SERGEF: variants seen among roughly 807,000 people sequenced by gnomAD.
SERGEF encodes the protein secretion-regulating guanine nucleotide exchange factor.
Under a neutral mutation model 50.0 loss-of-function variants are expected in SERGEF, and 51 were observed. The observed-to-expected ratio is 1.02, with a 90% CI of 0.81 to 1.29. The LOEUF (loss-of-function observed/expected upper bound fraction) is 1.29, where lower values mean the gene tolerates loss of function less well. SERGEF is among the 50% of genes most tolerant of loss of function. The pLI is 0.00. For synonymous variants in SERGEF, 205 were observed against 212.4 expected (o/e 0.97, Z 0.30); for missense variants, 521 against 557.0 (o/e 0.94, Z 0.65).
At chr11:17,968,473 G>C (rs1253232335) in intron 8 of SERGEF, among the ~76,000 whole-genome samples, 1 of 152,088 alleles carries the variant, frequency 6.6e-6, no homozygotes, top group Admixed American at 6.5e-5. Flanking sequence ...AGGATCACTT[G>C]AGCCTTGAGT....
Position 17,995,663 on chromosome 11 carries a change from G to C in SERGEF, c.622+133C>G, listed in dbSNP as rs1378787733. 6.1e-6 allele frequency: 4 copies of C among 651,960 alleles called. No homozygotes were observed. In the East Asian group the frequency reaches 1.1e-4, roughly 18 times the overall value. 40.4% of individuals were successfully genotyped at this position (651,960 alleles called of 1,614,324 possible). ...ACAAACAATGCCAGCAAGACTAACA[G>C]ACCAACTAATAGAGAAAGTTAGAGA... On this transcript the variant is annotated intron_variant, in intron 6 of 10. Transcript: ENST00000265965.
intron 9 of SERGEF, among the ~76,000 whole-genome samples, chr11:17,956,804 A>G (rs1852882141): frequency 1.3e-5 from 2 of 152,168 alleles, no homozygotes; most frequent in African/African-American, 4.8e-5. Flanking sequence ...ACATCAGCCT[A>G]GTCCAACACT....
At chr11:17,904,342 TAAATGTCCATGACC>T (rs910124679) in intron 9 of SERGEF, among the ~76,000 whole-genome samples, 5 of 152,174 alleles carry the variant, frequency 3.3e-5, no homozygotes, top group Admixed American at 6.5e-5. Context: ...ACTCTTAAGA[TAAATGTCCATGACC>T]AAAGAGGCTG....
In SERGEF at chr11:18,006,562, G is replaced by A. The variant is rs1422947825; in HGVS notation, c.352+29C>T. On this transcript the variant is annotated intron_variant, in intron 3 of 10. Transcript: ENST00000265965. ...TGTTCTCACCCAAAGCCTTTGTGGT[G>A]ACAAAAATCTACCTAGGAGTGAACT... 7 of 1,602,200 alleles carry A rather than the reference G, an allele frequency of 4.4e-6. No homozygotes were observed. The African/African-American group carries it at 8.1e-5, about 19-fold the overall frequency.
chr11:18,001,846 T>C, intron 4 of SERGEF: 1 of 344,506 alleles, frequency 2.9e-6, no homozygotes, highest in South Asian at 2.5e-5. Context: ...TATAGCATAA[T>C]CATAACCCCA....
At position 17,884,827 on chromosome 11, in the gene SERGEF, G is replaced by A. The variant is rs1184373381; in HGVS notation, c.1012-6583C>T. On this transcript the variant is annotated intron_variant, in intron 9 of 10. Transcript: ENST00000265965. The surrounding 1 kb of genome is among the most constrained non-coding windows in gnomAD (Gnocchi z 4.6). ...TGCTATCTTCCAGAGAAGTTGGGGT[G>A]AGAAGAAGAGAGCTAAAGTTTGGTT... 6.6e-6 allele frequency among the ~76,000 whole-genome samples: 1 copy of A among 152,182 alleles called. No individual in the cohort carries two copies. Among genetic ancestry groups the A allele is most frequent in the East Asian group, 1.9e-4 (1 of 5,206 alleles).
intron 9 of SERGEF, among the ~76,000 whole-genome samples, chr11:17,909,028 A>G (rs1270617752): frequency 1.3e-5 from 2 of 152,232 alleles, no homozygotes; most frequent in East Asian, 1.9e-4. Context: ...GAATCACAGA[A>G]AAAACCTGGG....
At chr11:17,914,427 T>C (rs143729031) in intron 9 of SERGEF, among the ~76,000 whole-genome samples, 1 of 152,108 alleles carries the variant, frequency 6.6e-6, no homozygotes, top group East Asian at 1.9e-4. Context: ...TAATTTATTT[T>C]ATTTTTTTAG....
chr11:18,009,971 T>G (rs1854163208), intron 1 of SERGEF: 1 of 450,914 alleles, frequency 2.2e-6, no homozygotes, highest in Non-Finnish European at 3.7e-6. Flanking sequence ...AGTTTTGGGT[T>G]TTCAGAGCTT....
chr11:17,952,883 C>G (rs1391530603), intron 9 of SERGEF, among the ~76,000 whole-genome samples: 1 of 152,170 alleles, frequency 6.6e-6, no homozygotes, highest in African/African-American at 2.4e-5. Context: ...TGTGACTCAG[C>G]AGTACCTGGC....
intron 9 of SERGEF, among the ~76,000 whole-genome samples, chr11:17,942,107 T>C (rs886425462): frequency 2.6e-5 from 4 of 152,194 alleles, no homozygotes; most frequent in Admixed American, 1.3e-4. Context: ...TATGTTTCCA[T>C]ATAAATGTCA....
At chr11:17,931,054 T>G (rs1416134693) in intron 9 of SERGEF, among the ~76,000 whole-genome samples, 1 of 152,170 alleles carries the variant, frequency 6.6e-6, no homozygotes, top group Non-Finnish European at 1.5e-5. Flanking sequence ...TCCTTCTGCA[T>G]TTGCAATTTA....
intron 9 of SERGEF, among the ~76,000 whole-genome samples, chr11:17,953,218 C>T (rs1362314247): frequency 1.3e-5 from 2 of 152,144 alleles, no homozygotes; most frequent in Non-Finnish European, 2.9e-5. Flanking sequence ...GTTTGTCCTA[C>T]AGGGAACTTA....
chr11:18,008,392 T>C (rs555007080), intron 1 of SERGEF, among the ~76,000 whole-genome samples: 31 of 152,322 alleles, frequency 2.0e-4, no homozygotes, highest in Non-Finnish European at 4.3e-4. Flanking sequence ...GGAAAGTTCC[T>C]AGGTAGGCAC....
chr11:17,800,375 AT>A (rs1849647984), intron 10 of SERGEF, among the ~76,000 whole-genome samples: 1 of 152,204 alleles, frequency 6.6e-6, no homozygotes, highest in South Asian at 2.1e-4. Flanking sequence ...CAAATGTATA[AT>A]GACATGGATC....
At chr11:17,835,955 T>G (rs527730588) in intron 10 of SERGEF, among the ~76,000 whole-genome samples, 1 of 152,308 alleles carries the variant, frequency 6.6e-6, no homozygotes, top group East Asian at 1.9e-4. Flanking sequence ...TCCTAGGGTG[T>G]GAAAGGCCTT....
At chr11:17,885,316 T>C (rs554264283) in intron 9 of SERGEF, among the ~76,000 whole-genome samples, 1 of 152,314 alleles carries the variant, frequency 6.6e-6, no homozygotes, top group East Asian at 1.9e-4. Context: ...CATAATATCA[T>C]GATCTGATCT....
chr11:17,910,707 A>G (rs1851935890), intron 9 of SERGEF, among the ~76,000 whole-genome samples: 1 of 152,254 alleles, frequency 6.6e-6, no homozygotes, highest in African/African-American at 2.4e-5. Context: ...AAGAGGACAT[A>G]GAGAAAAAAA....
At position 17,942,702 on chromosome 11, in the gene SERGEF, A is replaced by G. The variant is rs564348177; in HGVS notation, c.1011+16768T>C. Among the ~76,000 whole-genome samples the G allele has an allele frequency of 1.5e-4, 23 of 152,288 alleles. No individual in the cohort carries two copies. In the South Asian group the frequency reaches 4.3e-3, roughly 29 times the overall value. ...GCCTCATTCTGATCTAAGAAGGAAT[A>G]CATTAAATTTTTCACCATCAATTAT... On this transcript the variant is annotated intron_variant, in intron 9 of 10. Transcript: ENST00000265965.
Sources: allele counts gnomAD v4.1 joint callset (sites outside exome capture counted in the v4.1 genomes callset), GRCh38; gene constraint gnomAD v4.1.1; non-coding constraint Gnocchi (gnomAD v3.1); transcripts MANE v1.5; gene names NCBI Gene and HGNC (gene_info 2026-07-23, HGNC 2026-07-21).